The following MAP3K19 variants were observed in gnomAD, a reference collection of about 807,000 sequenced individuals.
The protein encoded by MAP3K19 is mitogen-activated protein kinase kinase kinase 19, also known as SPS1/STE20-related protein kinase YSK4.
A neutral mutation model predicts 114.4 loss-of-function variants in MAP3K19; 91 were observed. The observed-to-expected ratio is 0.80, with a 90% CI of 0.67 to 0.95. The LOEUF (loss-of-function observed/expected upper bound fraction) is 0.95. Among genes scored for constraint, MAP3K19 ranks in the 40% least tolerant of loss-of-function variants. The pLI, the probability that MAP3K19 is intolerant of heterozygous loss-of-function variation, is 0.00. For missense variants in MAP3K19, 1,471 were observed against 1,573.2 expected, an observed-to-expected ratio of 0.94 and a Z score of 1.10; for synonymous variants, 518 against 530.5, an observed-to-expected ratio of 0.98 and a Z score of 0.32.
chr2:135,017,692 A>G (rs546963863), intron 5 of MAP3K19, among the ~76,000 whole-genome samples: 2 of 152,220 alleles, frequency 1.3e-5, no homozygotes, highest in African/African-American at 4.8e-5. Context: ...GGGCTTTTCC[A>G]TGGTTCTTTG....
At chr2:134,984,767 G>C (rs542652512) in intron 10 of MAP3K19, among the ~76,000 whole-genome samples, 1 of 152,264 alleles carries the variant, frequency 6.6e-6, no homozygotes, top group South Asian at 2.1e-4. Context: ...GCCTGGCCAA[G>C]ATGGTGAAAT....
intron 5 of MAP3K19, among the ~76,000 whole-genome samples, chr2:135,010,612 C>T (rs941210121): frequency 3.9e-5 from 6 of 152,166 alleles, no homozygotes; most frequent in South Asian, 2.1e-4. Context: ...GGAAATCAGA[C>T]GTGATTAAAG....
chr2:135,010,879 C>G (rs1687172856), intron 5 of MAP3K19, among the ~76,000 whole-genome samples: 1 of 152,092 alleles, frequency 6.6e-6, no homozygotes, highest in South Asian at 2.1e-4. Flanking sequence ...GATCTTCCCA[C>G]TTCAGCCTCC....
intron 12 of MAP3K19, among the ~76,000 whole-genome samples, chr2:134,973,969 T>A (rs1684049182): frequency 6.6e-6 from 1 of 152,326 alleles, no homozygotes; most frequent in African/African-American, 2.4e-5. Context: ...GACAGTTTTG[T>A]TTTGTTTTTA....
At chr2:134,993,954 G>A (rs1685802900) in intron 8 of MAP3K19, among the ~76,000 whole-genome samples, 1 of 152,074 alleles carries the variant, frequency 6.6e-6, no homozygotes, top group Admixed American at 6.6e-5. Flanking sequence ...AGGCTGCAGC[G>A]AGCCATGTTT....
At chr2:134,967,494 C>A (rs1683446548) in intron 12 of MAP3K19, among the ~76,000 whole-genome samples, 1 of 152,232 alleles carries the variant, frequency 6.6e-6, no homozygotes, top group Non-Finnish European at 1.5e-5. Flanking sequence ...GGGAGAAAAA[C>A]CGCCCTATGG....
Position 134,986,012 on chromosome 2 carries a change from G to T in MAP3K19, c.2860C>A (p.Gln954Lys), listed in dbSNP as rs753344579. The T allele has an allele frequency of 1.9e-6, 3 of 1,612,846 alleles. No homozygotes were observed. In the South Asian group the frequency reaches 3.3e-5, roughly 18 times the overall value. The change falls in exon 10 of 13, where the codon CAA becomes AAA. Residue 954 changes from glutamine (Q) to lysine (K), a missense_variant. By Grantham distance (53) the Gln-to-Lys change is moderately conservative (BLOSUM62 1). Transcript: ENST00000392915. ...TTATTTACAGAGTCCATAATTTCTT[G>T]GGAAATTGAATTTGTGCCACTTAAG... Reference protein sequence around the residue: ...KTLSGTNSISQEIMDSVNNEE... With the variant: ...KTLSGTNSISKEIMDSVNNEE...
At chr2:135,010,742 C>A (rs962700652) in intron 5 of MAP3K19, among the ~76,000 whole-genome samples, 2 of 152,162 alleles carry the variant, frequency 1.3e-5, no homozygotes. Flanking sequence ...GTTCTCCCAC[C>A]TCAGCCTCCA....
chr2:134,974,687 C>CT (rs1295734484), intron 12 of MAP3K19, among the ~76,000 whole-genome samples: 4 of 152,026 alleles, frequency 2.6e-5, no homozygotes, highest in African/African-American at 7.2e-5. Flanking sequence ...TTTGTTCACT[C>CT]TTTTTTTTCT....
chr2:135,039,954 T>G (rs912741463), intron 2 of MAP3K19, among the ~76,000 whole-genome samples: 1 of 152,204 alleles, frequency 6.6e-6, no homozygotes, highest in Non-Finnish European at 1.5e-5. Context: ...GCTGCCCTTT[T>G]AAGCCTTATT....
At position 134,983,670 on chromosome 2, in the gene MAP3K19, A is replaced by G; in HGVS notation, c.3222+6T>C. ...GTGCTGATTTCAAGTTTCCAGTTTA[A>G]CTTACTGTGCCGTAGGCTCCCTTTC... On this transcript the variant is annotated splice_donor_region_variant and intron_variant, in intron 11 of 12. Transcript: ENST00000392915. 1 of 1,534,968 alleles carries G rather than the reference A, an allele frequency of 6.5e-7. No individual in the cohort carries two copies. Among genetic ancestry groups the G allele is most frequent in the South Asian group, 1.3e-5 (1 of 76,606 alleles).
chr2:134,985,986 A>G lies in MAP3K19; in HGVS notation c.2886T>C (p.Asn962=). 2 of 1,613,676 alleles carry G rather than the reference A, an allele frequency of 1.2e-6. No homozygotes were observed. Among genetic ancestry groups the G allele is most frequent in the South Asian group, 1.1e-5 (1 of 90,922 alleles). The change falls in exon 10 of 13, where the codon AAT becomes AAC. Residue 962 remains asparagine (N), a synonymous_variant. Transcript: ENST00000392915. The part of the protein sequence containing the change: ...ISQEIMDSVN[N]EELTDELLGC... The stretch of plus-strand genomic sequence containing the variant: ...CTAATAGTTCATCTGTCAATTCTTC[A>G]TTATTTACAGAGTCCATAATTTCTT...
chr2:134,981,497 G>T lies in MAP3K19; in HGVS notation c.3244C>A (p.Gln1082Lys). The T allele has an allele frequency of 1.2e-6, 2 of 1,613,288 alleles. No individual in the cohort carries two copies. Among genetic ancestry groups the T allele is most frequent in the South Asian group, 2.2e-5 (2 of 91,008 alleles). The change falls in exon 12 of 13, where the codon CAA (glutamine) becomes AAA (lysine). Residue 1082 changes from glutamine (Q) to lysine (K), a missense_variant. Gln to Lys is a moderately conservative substitution (Grantham distance 53, BLOSUM62 1). Transcript: ENST00000392915. Reference protein sequence around the residue: ...YGTVYCGLTSQGQLIAVKQVA... With the variant: ...YGTVYCGLTSKGQLIAVKQVA... ...TGTTTTACAGCTATTAGCTGTCCTT[G>T]ACTAGTGAGACCACAGTATACCTAG...
chr2:135,023,911 G>A (rs917138260), intron 4 of MAP3K19, among the ~76,000 whole-genome samples: 4 of 151,422 alleles, frequency 2.6e-5, no homozygotes, highest in African/African-American at 9.8e-5. Context: ...AAAAAAAAGT[G>A]ATGTCCTTCA....
chr2:134,996,658 ATGCATG>A (rs1686014520), intron 8 of MAP3K19, among the ~76,000 whole-genome samples: 2 of 152,182 alleles, frequency 1.3e-5, no homozygotes, highest in Non-Finnish European at 2.9e-5. Flanking sequence ...AAATATTCAC[ATGCATG>A]TTTAGGGAAT....
At chr2:134,970,414 A>G (rs1465807803) in intron 12 of MAP3K19, among the ~76,000 whole-genome samples, 1 of 151,956 alleles carries the variant, frequency 6.6e-6, no homozygotes, top group African/African-American at 2.4e-5. Flanking sequence ...CAGCTACTTC[A>G]TTGTTGGTAT....
chr2:135,010,493 A>G (rs1687143860), intron 5 of MAP3K19, among the ~76,000 whole-genome samples: 1 of 152,254 alleles, frequency 6.6e-6, no homozygotes, highest in Non-Finnish European at 1.5e-5. Context: ...GATGGATTTC[A>G]TAAACCATTG....
At position 134,986,321 on chromosome 2, in the gene MAP3K19, G is replaced by A. The variant is rs754685012; in HGVS notation, c.2551C>T (p.Pro851Ser). The A allele has an allele frequency of 1.9e-6, 3 of 1,613,704 alleles. No individual in the cohort carries two copies. Among genetic ancestry groups the A allele is most frequent in the Non-Finnish European group, 2.5e-6 (3 of 1,179,908 alleles). The change falls in exon 10 of 13, where the codon CCT (proline) becomes TCT (serine). Residue 851 changes from proline to serine, a missense_variant. Transcript: ENST00000392915. ...GGCACTGCCCAGCTGTCTTCTGAAG[G>A]GATAAATGGGATCTGGTGATGTAGC... ...EELHHQIPFI[P>S]SEDSWAVPSE... is the part of the protein sequence containing the mutation.
At chr2:135,044,276 A>G (rs1688697055) in intron 1 of MAP3K19, among the ~76,000 whole-genome samples, 1 of 152,144 alleles carries the variant, frequency 6.6e-6, no homozygotes, top group South Asian at 2.1e-4. Flanking sequence ...CTCCAGAGAG[A>G]TGAGAGTGCT....
Sources: gnomAD v4.1 joint callset for allele counts (sites outside exome capture counted in the v4.1 genomes callset) on GRCh38, gnomAD v4.1.1 for gene constraint, MANE v1.5 for transcripts, NCBI Gene and HGNC (gene_info 2026-07-23, HGNC 2026-07-21) for gene names.